PSD3: variants seen among roughly 807,000 people sequenced by gnomAD.
PSD3 encodes the protein PH and SEC7 domain-containing protein 3.
In PSD3, 49 loss-of-function variants were observed where a neutral mutation model predicts 105.5. The ratio of observed to expected loss-of-function variants is 0.46; its 90% CI spans 0.37 to 0.59. The LOEUF is 0.59. Ranked by LOEUF, PSD3 falls within the 20% of genes least tolerant of loss-of-function variation. The pLI is 0.00. For missense variants in PSD3, 1,561 were observed against 1,263.8 expected (o/e 1.24, Z -3.57); for synonymous variants, 557 against 457.8 (o/e 1.22, Z -2.77).
intron 15 of PSD3, among the ~76,000 whole-genome samples, chr8:18,537,069 CT>C (rs1476250598): frequency 6.6e-6 from 1 of 152,116 alleles, no homozygotes; most frequent in Admixed American, 6.5e-5. Flanking sequence ...GAAGTGCTAC[CT>C]TTTCAAGCTG....
intron 1 of PSD3, among the ~76,000 whole-genome samples, chr8:19,030,491 G>C (rs765974458): frequency 3.3e-5 from 5 of 152,058 alleles, no homozygotes; most frequent in African/African-American, 9.7e-5. Flanking sequence ...CTGATAGTGA[G>C]TTCTCATGAG....
chr8:18,986,650 T>C (rs548821613), intron 1 of PSD3, among the ~76,000 whole-genome samples: 61 of 152,138 alleles, frequency 4.0e-4, no homozygotes, highest in African/African-American at 1.4e-3. Context: ...TCAGCAGATA[T>C]ATTACTATGG....
chr8:19,063,574 A>G (rs1307990385), intron 1 of PSD3, among the ~76,000 whole-genome samples: 1 of 152,196 alleles, frequency 6.6e-6, no homozygotes, highest in Non-Finnish European at 1.5e-5. Context: ...TGGGCAGATG[A>G]ATGAATGTAG....
At chr8:18,628,547 G>C (rs990618992) in intron 11 of PSD3, among the ~76,000 whole-genome samples, 2 of 151,714 alleles carry the variant, frequency 1.3e-5, no homozygotes, top group African/African-American at 4.8e-5. Flanking sequence ...TAAAACATGA[G>C]AAAAATTCCT....
In PSD3 at chr8:18,666,714, T is replaced by G. The variant is rs550920890; in HGVS notation, c.2173-11029A>C. On this transcript the variant is annotated intron_variant, in intron 9 of 15. Coordinates refer to ENST00000327040, the MANE Select transcript of PSD3 (RefSeq NM_015310.4). Reference sequence around the variant, plus strand: ...CCAAGTGGGAATGTAGCTTCACTATTGCTTTTTTTTGGGGGGTGGGGGGAA... The same window carrying G: ...CCAAGTGGGAATGTAGCTTCACTATGGCTTTTTTTTGGGGGGTGGGGGGAA... 1.2e-3 allele frequency among the ~76,000 whole-genome samples: 173 copies of G among 145,316 alleles called. 1 individual carries two copies. The South Asian group carries it at 0.018, about 15-fold the overall frequency.
chr8:18,553,991 A>T (rs1483387755), intron 15 of PSD3, among the ~76,000 whole-genome samples: 1 of 152,120 alleles, frequency 6.6e-6, no homozygotes, highest in Non-Finnish European at 1.5e-5. Flanking sequence ...GCAAGACTTA[A>T]TCCCTGCAAA....
chr8:19,060,934 C>T (rs1399351031), intron 1 of PSD3, among the ~76,000 whole-genome samples: 3 of 152,182 alleles, frequency 2.0e-5, no homozygotes, highest in Non-Finnish European at 4.4e-5. Flanking sequence ...ACAACAGCCC[C>T]CTTGTTGAAG....
upstream of PSD3, chr8:19,084,746 C>A: frequency 3.3e-6 from 1 of 299,776 alleles, no homozygotes; most frequent in East Asian, 8.5e-5. Context: ...CCTTCTGCAG[C>A]AGCCTCAAAG....
chr8:18,754,119 C>T lies in PSD3; in HGVS notation c.2172+11330G>A, dbSNP rs1158103496. 2.0e-5 allele frequency among the ~76,000 whole-genome samples: 3 copies of T among 152,278 alleles called. No individual in the cohort carries two copies. The East Asian group carries it at 5.8e-4, about 29-fold the overall frequency. On this transcript the variant is annotated intron_variant, in intron 9 of 15. Coordinates refer to ENST00000327040, the MANE Select transcript of PSD3 (RefSeq NM_015310.4). Reference sequence around the variant, plus strand: ...TCAATTTAGGCCAGGTGCGGTGGCTCACGCCTGTAATCCCACCACTTTGGG... The same window carrying T: ...TCAATTTAGGCCAGGTGCGGTGGCTTACGCCTGTAATCCCACCACTTTGGG...
At chr8:18,562,718 G>A (rs1302101787) in intron 14 of PSD3, among the ~76,000 whole-genome samples, 2 of 151,960 alleles carry the variant, frequency 1.3e-5, no homozygotes, top group Admixed American at 6.6e-5. Context: ...GTGAAACCCC[G>A]TTTCTACTAA....
At chr8:18,809,140 T>C (rs1034112817) in intron 4 of PSD3, among the ~76,000 whole-genome samples, 2 of 152,198 alleles carry the variant, frequency 1.3e-5, no homozygotes, top group African/African-American at 4.8e-5. Flanking sequence ...ACATTGCAGC[T>C]CTAGTCTGCT....
At chr8:18,586,593 A>G (rs1803204309) in intron 12 of PSD3, among the ~76,000 whole-genome samples, 1 of 152,088 alleles carries the variant, frequency 6.6e-6, no homozygotes, top group Non-Finnish European at 1.5e-5. Context: ...TGTGTTTACA[A>G]TGAAGGGAAG....
At chr8:18,979,938 A>G (rs980218470) in intron 1 of PSD3, among the ~76,000 whole-genome samples, 2 of 152,234 alleles carry the variant, frequency 1.3e-5, no homozygotes, top group Non-Finnish European at 2.9e-5. Context: ...CCTTCTACAG[A>G]AATCAGATTT....
chr8:19,082,907 C>G (rs1190706790), intron 1 of PSD3, among the ~76,000 whole-genome samples: 2 of 152,226 alleles, frequency 1.3e-5, no homozygotes, highest in Non-Finnish European at 2.9e-5. Context: ...TCCAAGAGCG[C>G]TACTCTGGAG....
chr8:18,716,720 T>C lies in PSD3; in HGVS notation c.2172+48729A>G, dbSNP rs73593505. Among the ~76,000 whole-genome samples the C allele has an allele frequency of 5.7e-3, 872 of 152,360 alleles. 9 individuals are homozygous for C. The highest frequency in any genetic ancestry group is 0.02 in the African/African-American group (821 of 41,584). ...TGAATAACCTTTCTTAATAGACCAT[T>C]GTAGTTCTATAAACTGTTCTCCATG... On this transcript the variant is annotated intron_variant, in intron 9 of 15. Coordinates refer to ENST00000327040, the MANE Select transcript of PSD3 (RefSeq NM_015310.4).
chr8:18,730,864 A>G (rs1803695932), intron 9 of PSD3, among the ~76,000 whole-genome samples: 1 of 152,222 alleles, frequency 6.6e-6, no homozygotes, highest in African/African-American at 2.4e-5. Context: ...GAACAAATAA[A>G]TAGCCGATAA....
chr8:18,535,793 T>G lies in PSD3; in HGVS notation c.3094A>C (p.Arg1032=). 6.2e-7 allele frequency: 1 copy of G among 1,614,182 alleles called. No individual in the cohort carries two copies. The highest frequency in any genetic ancestry group is 2.2e-5 in the East Asian group (1 of 44,880). ...TAKVKRNVSE[R]KDHRPETPSI... ...GGTGTTTCAGGTCGGTGATCCTTCC[T>G]CTCTGACACGTTACGCTTGACTTTG... is the stretch of plus-strand genomic sequence containing the variant. Residue 1032 remains arginine, a synonymous_variant, in exon 16 of 16, where the codon AGG becomes CGG. Transcript: ENST00000327040.
chr8:18,983,030 A>T (rs1305705322), intron 1 of PSD3, among the ~76,000 whole-genome samples: 5 of 152,204 alleles, frequency 3.3e-5, no homozygotes, highest in Non-Finnish European at 7.3e-5. Flanking sequence ...TGAAACTGTG[A>T]TGTTTAGCAT....
At position 19,053,102 on chromosome 8, in the gene PSD3, C is replaced by T. The variant is rs543051259; in HGVS notation, c.324+31104G>A. On this transcript the variant is annotated intron_variant, in intron 1 of 1. Transcript: ENST00000521475. The stretch of plus-strand genomic sequence containing the variant: ...TTGTAGTCTTGGAGTGACAAGGTGA[C>T]TTACTGGGCAGGCTTTCACCACAGT... 4.6e-5 allele frequency among the ~76,000 whole-genome samples: 7 copies of T among 152,236 alleles called. No individual in the cohort carries two copies. In the South Asian group the frequency reaches 1.5e-3, roughly 32 times the overall value.
Sources: allele counts gnomAD v4.1 joint callset (sites outside exome capture counted in the v4.1 genomes callset), GRCh38; gene constraint gnomAD v4.1.1; transcripts MANE v1.5; gene names NCBI Gene and HGNC (gene_info 2026-07-23, HGNC 2026-07-21).